FBXO34: variants seen among roughly 807,000 people sequenced by gnomAD.
FBXO34 encodes F-box protein 34, also known as F-box only protein 34.
FBXO34 carries 12 observed loss-of-function variants against 24.5 expected under a neutral mutation model. The ratio of observed to expected loss-of-function variants is 0.49; its 90% CI spans 0.31 to 0.79. The LOEUF (loss-of-function observed/expected upper bound fraction) is 0.79. FBXO34 is among the 30% of genes least tolerant of loss of function. FBXO34 has a pLI of 0.04. For synonymous variants in FBXO34, 320 were observed against 311.9 expected (o/e 1.03, Z -0.27); for missense variants, 823 against 857.7 (o/e 0.96, Z 0.51).
intron 1 of FBXO34, among the ~76,000 whole-genome samples, chr14:55,278,821 G>A (rs1165063703): frequency 6.6e-6 from 1 of 152,074 alleles, no homozygotes; most frequent in Non-Finnish European, 1.5e-5. Context: ...TGAGTAGCTG[G>A]GACCACAGGT....
chr14:55,415,864 T>C, the FBXO34 span, among the ~76,000 whole-genome samples: 3 of 151,912 alleles, frequency 2.0e-5, no homozygotes, highest in African/African-American at 4.8e-5. Flanking sequence ...AGACTCTGTC[T>C]CAAAATAAAA....
chr14:55,350,591 AAATGT>A lies in FBXO34; in HGVS notation c.202_206del (p.Asn68SerfsTer17), dbSNP rs1369800443. ...GAAAGCCATTTGGGATCCTTTCTCC[AAATGT>A]TCTGTGCAGTATGAGTGGGAAGAGT... On this transcript the variant is annotated frameshift_variant, in exon 2 of 2. Transcript: ENST00000313833. LOFTEE classifies it low-confidence loss of function (END_TRUNC). 6.2e-7 allele frequency: 1 copy of A among 1,612,506 alleles called. No individual in the cohort carries two copies. Among genetic ancestry groups the A allele is most frequent in the Admixed American group, 1.7e-5 (1 of 59,426 alleles).
chr14:55,395,128 T>C, the FBXO34 span: 1 of 480,314 alleles, frequency 2.1e-6, no homozygotes, highest in Admixed American at 2.3e-5. Context: ...TTTCTCAGCT[T>C]CGTTTCCACT....
intron 1 of FBXO34, among the ~76,000 whole-genome samples, chr14:55,300,442 A>G (rs1277664446): frequency 6.6e-6 from 1 of 152,176 alleles, no homozygotes; most frequent in Admixed American, 6.5e-5. Context: ...AAAAAATACA[A>G]AAATTAGCCA....
At chr14:55,323,222 TATA>T (rs1566555880) in intron 1 of FBXO34, among the ~76,000 whole-genome samples, 18 of 27,238 alleles carry the variant, frequency 6.6e-4, no homozygotes, top group East Asian at 4.0e-3. Context: ...AAAAAAAATA[TATA>T]TTTTTTTTTT....
At position 55,342,220 on chromosome 14, in the gene FBXO34, A is replaced by T. The variant is rs1001622875; in HGVS notation, c.-10-8161A>T. Among the ~76,000 whole-genome samples, 4 of 152,350 alleles carry T rather than the reference A, an allele frequency of 2.6e-5. No individual in the cohort carries two copies. The South Asian group carries it at 8.3e-4, about 32-fold the overall frequency. ...TATTATAGATAACTTTGAAGCAGGTAGGTGCTGTATTTAAATCCCATTGTG... is the reference window on the plus strand; with the variant it reads ...TATTATAGATAACTTTGAAGCAGGTTGGTGCTGTATTTAAATCCCATTGTG... On this transcript the variant is annotated intron_variant, in intron 1 of 1. Transcript: ENST00000313833.
the FBXO34 span, among the ~76,000 whole-genome samples, chr14:55,430,398 TAAAAAAAAAAAAA>T: frequency 4.2e-5 from 5 of 119,828 alleles, no homozygotes; most frequent in Non-Finnish European, 8.3e-5. Flanking sequence ...TCACCCACTT[TAAAAAAAAAAAAA>T]AAAAAAAAAA....
chr14:55,350,498 A>G lies in FBXO34; in HGVS notation c.108A>G (p.Glu36=), dbSNP rs756305228. The G allele has an allele frequency of 1.2e-6, 2 of 1,613,986 alleles. No individual in the cohort carries two copies. Among genetic ancestry groups the G allele is most frequent in the Non-Finnish European group, 1.7e-6 (2 of 1,180,010 alleles). ...ACCACCAAAAGGCTGTAAATGATGA[A>G]ACATGCAAAGCTAGCCACATAACAT... ...PMNHQKAVND[E]TCKASHITSS... Residue 36 remains glutamate, a synonymous_variant, in exon 2 of 2, where the codon GAA becomes GAG. Coordinates refer to ENST00000313833, the MANE Select transcript of FBXO34 (RefSeq NM_017943.4).
chr14:55,319,284 T>C (rs1451023361), intron 1 of FBXO34, among the ~76,000 whole-genome samples: 1 of 152,242 alleles, frequency 6.6e-6, no homozygotes, highest in Non-Finnish European at 1.5e-5. Flanking sequence ...GTACCTATCA[T>C]ACAGTGTACA....
intron 1 of FBXO34, among the ~76,000 whole-genome samples, chr14:55,281,768 T>C (rs1381585937): frequency 1.3e-5 from 2 of 152,210 alleles, no homozygotes; most frequent in African/African-American, 2.4e-5. Context: ...CGTTGGCATT[T>C]CATTGTATAC....
Position 55,350,791 on chromosome 14 carries a change from C to T in FBXO34, c.401C>T (p.Ser134Phe). Residue 134 changes from serine (S) to phenylalanine (F), a missense_variant, in exon 2 of 2, where the codon TCT becomes TTT. Ser to Phe is a radical substitution (Grantham distance 155, BLOSUM62 -2). This residue lies in a region of FBXO34 where 693 missense variants were observed against 659.1 expected (regional missense o/e 1.05). Coordinates refer to ENST00000313833, the MANE Select transcript of FBXO34 (RefSeq NM_017943.4). ...CACCAGTGTAGTAACAGGATAGGAT[C>T]TATGAAAATAAAAAGTTCCTGGGAT... ...ASHQCSNRIG[S>F]MKIKSSWDID... The T allele has an allele frequency of 1.2e-6, 2 of 1,605,112 alleles. No homozygotes were observed. Among genetic ancestry groups the T allele is most frequent in the Admixed American group, 3.5e-5 (2 of 57,730 alleles).
chr14:55,325,561 C>T lies in FBXO34; in HGVS notation c.-10-24820C>T, dbSNP rs113875400. Among the ~76,000 whole-genome samples, 1,305 of 152,182 alleles carry T rather than the reference C, an allele frequency of 8.6e-3. 23 individuals carry two copies. Among genetic ancestry groups the T allele is most frequent in the African/African-American group, 0.03 (1,241 of 41,502 alleles). ...CGCGATCTCGGCTCATCGCAACCTC[C>T]GCCTCCTGGGTTCAAGCAATTCTTC... is the stretch of plus-strand genomic sequence containing the variant. On this transcript the variant is annotated intron_variant, in intron 1 of 1. Transcript: ENST00000313833.
chr14:55,286,935 G>A (rs1300294332), intron 1 of FBXO34, among the ~76,000 whole-genome samples: 1 of 138,986 alleles, frequency 7.2e-6, no homozygotes, highest in Non-Finnish European at 1.5e-5. Context: ...TTGAGACAGA[G>A]TCTCGCTTTT....
the FBXO34 span, chr14:55,395,286 G>A: frequency 3.0e-5 from 9 of 296,614 alleles, no homozygotes; most frequent in African/African-American, 2.0e-4. Context: ...AGTGCATCTA[G>A]AGCCTCAGCA....
At chr14:55,274,715 CTT>C (rs1566535946) in intron 1 of FBXO34, among the ~76,000 whole-genome samples, 2 of 152,062 alleles carry the variant, frequency 1.3e-5, no homozygotes, top group East Asian at 1.9e-4. Flanking sequence ...ATTTTTTAAA[CTT>C]AATTTATGTT....
chr14:55,356,469 A>G (rs1010625244), downstream of FBXO34, among the ~76,000 whole-genome samples: 7 of 152,028 alleles, frequency 4.6e-5, no homozygotes, highest in Admixed American at 2.6e-4. Context: ...TTGTTTTGAG[A>G]TGGAGTCTTG....
At position 55,359,318 on chromosome 14, in the gene FBXO34, A is replaced by G. The variant is rs192596637; in HGVS notation, c.*589-2415A>G. On this transcript the variant is annotated intron_variant and NMD_transcript_variant, in intron 3 of 3. Transcript: ENST00000555280. The stretch of plus-strand genomic sequence containing the variant: ...CTTGATGATCCCTAGGAGGCCCTAA[A>G]TGCACACCTGGGAAGCTGTTCACCA... Among the ~76,000 whole-genome samples, 125 of 152,276 alleles carry G rather than the reference A, an allele frequency of 8.2e-4. 1 individual carries two copies. The Middle Eastern group carries it at 0.014, about 17-fold the overall frequency.
At chr14:55,440,343 C>G in the FBXO34 span, 1 of 1,606,024 alleles carries the variant, frequency 6.2e-7, no homozygotes, top group Non-Finnish European at 8.5e-7. Context: ...GCCCTTGGCA[C>G]AGGACCGGGC....
At chr14:55,292,824 G>A (rs116271941) in intron 1 of FBXO34, among the ~76,000 whole-genome samples, 26 of 152,188 alleles carry the variant, frequency 1.7e-4, no homozygotes, top group African/African-American at 6.0e-4. Context: ...GGCTCTTCTG[G>A]GTGAGAGGGA....
Sources: allele counts gnomAD v4.1 joint callset (sites outside exome capture counted in the v4.1 genomes callset), GRCh38; gene constraint gnomAD v4.1.1; regional missense constraint gnomAD v4.1.1; transcripts MANE v1.5; gene names NCBI Gene and HGNC (gene_info 2026-07-23, HGNC 2026-07-21).